Variants in APP observed in about 807,000 individuals in gnomAD.
The protein encoded by APP is amyloid-beta precursor protein.
A neutral mutation model predicts 101.4 loss-of-function variants in APP; 31 were observed. That is an observed-to-expected ratio of 0.31 (90% CI 0.23 to 0.41). The LOEUF (loss-of-function observed/expected upper bound fraction) is 0.41. Ranked by LOEUF, APP falls within the 10% of genes least tolerant of loss-of-function variation. APP has a pLI of 1.00. For synonymous variants in APP, 366 were observed against 364.4 expected, an observed-to-expected ratio of 1.00 and a Z score of -0.05; for missense variants, 839 against 1,003.7, an observed-to-expected ratio of 0.84 and a Z score of 2.22.
intron 3 of APP, among the ~76,000 whole-genome samples, chr21:26,063,968 A>C (rs1374450626): frequency 6.6e-6 from 1 of 152,216 alleles, no homozygotes; most frequent in East Asian, 1.9e-4. Flanking sequence ...ATATGATGTG[A>C]TGAAATGGGC....
At chr21:26,026,540 G>A (rs547228004) in intron 5 of APP, among the ~76,000 whole-genome samples, 4 of 152,182 alleles carry the variant, frequency 2.6e-5, no homozygotes, top group African/African-American at 9.7e-5. Context: ...CCTTTACAGA[G>A]TGAAAGATTT....
intron 17 of APP, among the ~76,000 whole-genome samples, chr21:25,885,608 T>C (rs1221254331): frequency 3.3e-5 from 5 of 152,200 alleles, no homozygotes. Flanking sequence ...CATGTGACTC[T>C]CGGTACGCTG....
At chr21:26,057,602 A>T (rs2046095487) in intron 3 of APP, among the ~76,000 whole-genome samples, 2 of 152,128 alleles carry the variant, frequency 1.3e-5, no homozygotes, top group South Asian at 4.1e-4. Context: ...ATTCAATAGG[A>T]GTCTGCAGGC....
At chr21:25,908,851 A>G (rs2038919408) in intron 14 of APP, among the ~76,000 whole-genome samples, 2 of 152,246 alleles carry the variant, frequency 1.3e-5, no homozygotes, top group Non-Finnish European at 2.9e-5. Flanking sequence ...AGGCTAAGTA[A>G]CTTGCTCAGA....
At chr21:26,053,861 G>C (rs1319524756) in intron 3 of APP, among the ~76,000 whole-genome samples, 2 of 152,088 alleles carry the variant, frequency 1.3e-5, no homozygotes, top group East Asian at 3.8e-4. Flanking sequence ...ACACATAAGA[G>C]AGAGAGAGTT....
intron 13 of APP, among the ~76,000 whole-genome samples, chr21:25,918,115 T>G (rs1207707579): frequency 1.3e-5 from 2 of 152,118 alleles, no homozygotes; most frequent in East Asian, 3.9e-4. Flanking sequence ...TGGAAGACAG[T>G]GAGGAGATTC....
At chr21:26,149,055 C>G (rs1303132811) in intron 1 of APP, among the ~76,000 whole-genome samples, 1 of 152,208 alleles carries the variant, frequency 6.6e-6, no homozygotes, top group Non-Finnish European at 1.5e-5. Context: ...GAGATATCAG[C>G]ATTCAGAACT....
chr21:26,041,170 C>T (rs2045357792), intron 5 of APP, among the ~76,000 whole-genome samples: 1 of 152,180 alleles, frequency 6.6e-6, no homozygotes, highest in South Asian at 2.1e-4. Context: ...CTAGTTTAAG[C>T]CACATGGCTC....
intron 1 of APP, among the ~76,000 whole-genome samples, chr21:26,168,023 CAAAGG>C (rs1463543756): frequency 6.6e-6 from 1 of 151,974 alleles, no homozygotes; most frequent in African/African-American, 2.4e-5. Flanking sequence ...AGCACTACCA[CAAAGG>C]TAAGATGATT....
At chr21:26,057,501 C>A (rs1256885796) in intron 3 of APP, among the ~76,000 whole-genome samples, 2 of 147,436 alleles carry the variant, frequency 1.4e-5, no homozygotes, top group East Asian at 3.9e-4. Context: ...ACACACACAC[C>A]CAACTGAAAG....
intron 1 of APP, among the ~76,000 whole-genome samples, chr21:26,154,478 T>C (rs1042474958): frequency 1.3e-5 from 2 of 152,136 alleles, no homozygotes; most frequent in African/African-American, 4.8e-5. Flanking sequence ...ATAATACTAG[T>C]CCACAGAGAG....
At chr21:25,907,763 T>C (rs926808160) in intron 14 of APP, among the ~76,000 whole-genome samples, 11 of 152,180 alleles carry the variant, frequency 7.2e-5, no homozygotes, top group African/African-American at 2.7e-4. Flanking sequence ...AGGCCAAAGG[T>C]AATGAGGAAT....
chr21:26,063,905 G>A (rs938406022), intron 3 of APP, among the ~76,000 whole-genome samples: 3 of 152,214 alleles, frequency 2.0e-5, no homozygotes, highest in Non-Finnish European at 4.4e-5. Context: ...TGAGCCAGGT[G>A]ATCAAGGTCA....
chr21:26,058,535 A>ATTCC (rs2046132916), intron 3 of APP, among the ~76,000 whole-genome samples: 1 of 152,238 alleles, frequency 6.6e-6, no homozygotes, highest in Non-Finnish European at 1.5e-5. Context: ...GACAGACAGA[A>ATTCC]TTCCAGGAAG....
In APP at chr21:26,007,764, T is replaced by C. The variant is rs561414011; in HGVS notation, c.866-7582A>G. Among the ~76,000 whole-genome samples, 3 of 152,266 alleles carry C rather than the reference T, an allele frequency of 2.0e-5. No homozygotes were observed. In the South Asian group the frequency reaches 6.2e-4, roughly 32 times the overall value. ...TGGTTATTTTTTAAGAACGTGATTT[T>C]CCCAATTCTGGAACCATGTACTTTT... On this transcript the variant is annotated intron_variant, in intron 6 of 17. Transcript: ENST00000346798.
At chr21:25,985,011 C>T (rs970635637) in intron 8 of APP, among the ~76,000 whole-genome samples, 7 of 152,112 alleles carry the variant, frequency 4.6e-5, no homozygotes, top group Non-Finnish European at 1.0e-4. Flanking sequence ...TTTGCGAACA[C>T]TGTCTACTGT....
intron 5 of APP, among the ~76,000 whole-genome samples, chr21:26,037,586 T>C (rs776406240): frequency 6.6e-6 from 1 of 152,216 alleles, no homozygotes; most frequent in Non-Finnish European, 1.5e-5. Context: ...GGTTGGACCA[T>C]AACTAGACGA....
chr21:25,942,869 G>A (rs572045988), intron 13 of APP, among the ~76,000 whole-genome samples: 44 of 152,170 alleles, frequency 2.9e-4, no homozygotes, highest in African/African-American at 9.9e-4. Flanking sequence ...TGTGATGGAC[G>A]ATGCATCACG....
intron 17 of APP, among the ~76,000 whole-genome samples, chr21:25,882,813 A>T (rs2037077061): frequency 6.6e-6 from 1 of 152,176 alleles, no homozygotes; most frequent in East Asian, 1.9e-4. Context: ...ACCATAGAGA[A>T]GATATTCCTT....
Sources: gnomAD v4.1 joint callset for allele counts (sites outside exome capture counted in the v4.1 genomes callset) on GRCh38, gnomAD v4.1.1 for gene constraint, MANE v1.5 for transcripts, NCBI Gene and HGNC (gene_info 2026-07-23, HGNC 2026-07-21) for gene names.